The following VWC2L variants were observed in gnomAD, a reference collection of about 807,000 sequenced individuals.
The protein encoded by VWC2L is von Willebrand factor C domain containing 2 like, also known as von Willebrand factor C domain-containing protein 2-like.
A neutral mutation model predicts 21.6 loss-of-function variants in VWC2L; 10 were observed. The ratio of observed to expected loss-of-function variants is 0.46; its 90% CI spans 0.29 to 0.78. The LOEUF (loss-of-function observed/expected upper bound fraction) is 0.78. Among genes scored for constraint, VWC2L ranks in the 30% least tolerant of loss-of-function variants. The pLI is 0.10. For synonymous variants in VWC2L, 96 were observed against 94.3 expected, an observed-to-expected ratio of 1.02 and a Z score of -0.10; for missense variants, 209 against 277.1, an observed-to-expected ratio of 0.75 and a Z score of 1.74.
At chr2:214,465,094 A>G (rs1026365274) in intron 3 of VWC2L, among the ~76,000 whole-genome samples, 1 of 152,122 alleles carries the variant, frequency 6.6e-6, no homozygotes, top group Non-Finnish European at 1.5e-5. Context: ...CAAGGCCTGG[A>G]ATCAGGGACC....
intron 3 of VWC2L, among the ~76,000 whole-genome samples, chr2:214,486,547 C>T (rs1273262579): frequency 2.0e-5 from 3 of 152,054 alleles, no homozygotes; most frequent in African/African-American, 4.8e-5. Flanking sequence ...CATATCTCTG[C>T]GTTGATGAGT....
At chr2:214,558,874 A>C (rs759248442) in intron 3 of VWC2L, among the ~76,000 whole-genome samples, 2 of 151,448 alleles carry the variant, frequency 1.3e-5, no homozygotes, top group Non-Finnish European at 2.9e-5. Flanking sequence ...CTTTTTTTTA[A>C]ATTTTTTTTA....
chr2:214,571,640 T>C (rs573390420), intron 3 of VWC2L, among the ~76,000 whole-genome samples: 1 of 152,180 alleles, frequency 6.6e-6, no homozygotes, highest in Non-Finnish European at 1.5e-5. Flanking sequence ...ACCTGGACCA[T>C]AAGAAATAAC....
intron 3 of VWC2L, among the ~76,000 whole-genome samples, chr2:214,487,964 G>C (rs1328475812): frequency 3.3e-5 from 5 of 152,168 alleles, no homozygotes; most frequent in Non-Finnish European, 7.3e-5. Context: ...ACAGCTCTGG[G>C]TTCATTGATA....
intron 3 of VWC2L, among the ~76,000 whole-genome samples, chr2:214,498,173 C>T (rs1688837881): frequency 6.6e-6 from 1 of 152,150 alleles, no homozygotes; most frequent in Non-Finnish European, 1.5e-5. Context: ...ACTCCACCCA[C>T]CTTTGCATGG....
chr2:214,477,541 AC>A (rs1688542548), intron 3 of VWC2L, among the ~76,000 whole-genome samples: 1 of 152,236 alleles, frequency 6.6e-6, no homozygotes, highest in Non-Finnish European at 1.5e-5. Flanking sequence ...CTGGAACCTA[AC>A]AAAAATGACA....
chr2:214,462,920 C>T (rs1442907362), intron 3 of VWC2L, among the ~76,000 whole-genome samples: 5 of 152,044 alleles, frequency 3.3e-5, no homozygotes, highest in African/African-American at 4.8e-5. Context: ...TGTGTTGATT[C>T]GTTTTCAAAT....
In VWC2L at chr2:214,517,220, T is replaced by G. The variant is rs186068750; in HGVS notation, c.521-58452T>G. Among the ~76,000 whole-genome samples the G allele has an allele frequency of 2.2e-3, 329 of 152,346 alleles. 1 individual carries two copies. The highest frequency in any genetic ancestry group is 7.4e-3 in the African/African-American group (308 of 41,564). On this transcript the variant is annotated intron_variant, in intron 3 of 3. Coordinates refer to ENST00000312504, the MANE Select transcript of VWC2L (RefSeq NM_001080500.4). ...CCTTAAAATACTTTCTTCACTTGGC[T>G]TTCAGTACCCCAGACTCTCAAGGTT...
intron 3 of VWC2L, among the ~76,000 whole-genome samples, chr2:214,468,728 A>G (rs187571978): frequency 1.3e-5 from 2 of 152,324 alleles, no homozygotes; most frequent in East Asian, 3.9e-4. Context: ...GGGTACCCAG[A>G]GATGCAGACA....
intron 3 of VWC2L, among the ~76,000 whole-genome samples, chr2:214,497,151 A>T (rs1574597921): frequency 6.6e-6 from 1 of 152,148 alleles, no homozygotes. Flanking sequence ...AAAATATCCA[A>T]TCCAAGAATA....
At chr2:214,438,590 T>C (rs1243566535) in intron 3 of VWC2L, among the ~76,000 whole-genome samples, 4 of 151,998 alleles carry the variant, frequency 2.6e-5, no homozygotes, top group Non-Finnish European at 5.9e-5. Context: ...TAAAACAGTT[T>C]TTACACATGC....
At chr2:214,550,226 C>A (rs1326587130) in intron 3 of VWC2L, among the ~76,000 whole-genome samples, 1 of 152,102 alleles carries the variant, frequency 6.6e-6, no homozygotes. Context: ...TGGGTATATT[C>A]TAAAGGTCAG....
At chr2:214,434,783 A>G (rs551107872) in intron 2 of VWC2L, among the ~76,000 whole-genome samples, 20 of 152,308 alleles carry the variant, frequency 1.3e-4, no homozygotes, top group South Asian at 4.1e-4. Context: ...TTTTTCTTAA[A>G]GACTATAGTT....
chr2:214,449,556 A>G (rs1300083145), intron 3 of VWC2L, among the ~76,000 whole-genome samples: 1 of 152,220 alleles, frequency 6.6e-6, no homozygotes, highest in African/African-American at 2.4e-5. Context: ...CTTGCAACCA[A>G]TACCTCTTTT....
At chr2:214,521,557 A>G (rs1242793237) in intron 3 of VWC2L, among the ~76,000 whole-genome samples, 2 of 152,214 alleles carry the variant, frequency 1.3e-5, no homozygotes. Context: ...TCTGCCCCAA[A>G]TAAGAGGATC....
intron 3 of VWC2L, among the ~76,000 whole-genome samples, chr2:214,515,492 G>A (rs1237252664): frequency 6.6e-6 from 1 of 151,944 alleles, no homozygotes; most frequent in African/African-American, 2.4e-5. Context: ...TCCCAATCAG[G>A]GTCCAAAGAA....
At chr2:214,559,513 C>G (rs1689930184) in intron 3 of VWC2L, among the ~76,000 whole-genome samples, 2 of 152,052 alleles carry the variant, frequency 1.3e-5, no homozygotes, top group Non-Finnish European at 2.9e-5. Context: ...TCTCCCACCA[C>G]TTTCTTAAGG....
At chr2:214,537,247 T>C (rs1689549193) in intron 3 of VWC2L, among the ~76,000 whole-genome samples, 1 of 152,082 alleles carries the variant, frequency 6.6e-6, no homozygotes, top group South Asian at 2.1e-4. Flanking sequence ...ATGCTTGCTA[T>C]TTCATAAGGA....
intron 3 of VWC2L, among the ~76,000 whole-genome samples, chr2:214,511,917 T>TACAC (rs1483959963): frequency 3.3e-4 from 5 of 15,312 alleles, no homozygotes; most frequent in Non-Finnish European, 3.9e-4. Flanking sequence ...TATATATACA[T>TACAC]ATACACACAC....
Sources: gnomAD v4.1 joint callset for allele counts (sites outside exome capture counted in the v4.1 genomes callset) on GRCh38, gnomAD v4.1.1 for gene constraint, MANE v1.5 for transcripts, NCBI Gene and HGNC (gene_info 2026-07-23, HGNC 2026-07-21) for gene names.